MAGI3: variants seen among roughly 807,000 people sequenced by gnomAD.
MAGI3 encodes membrane-associated guanylate kinase, WW and PDZ domain-containing protein 3.
MAGI3 carries 43 observed loss-of-function variants against 121.8 expected under a neutral mutation model. That is an observed-to-expected ratio of 0.35 (90% CI 0.28 to 0.46). MAGI3 has a LOEUF of 0.46. Ranked by LOEUF, MAGI3 falls within the 20% of genes least tolerant of loss-of-function variation. The pLI, the probability that MAGI3 is intolerant of heterozygous loss-of-function variation, is 1.00. For synonymous variants in MAGI3, 553 were observed against 639.3 expected (o/e 0.86, Z 2.04); for missense variants, 1,547 against 1,797.3 (o/e 0.86, Z 2.52).
chr1:113,402,740 C>T (rs558246900), intron 1 of MAGI3, among the ~76,000 whole-genome samples: 16 of 152,142 alleles, frequency 1.1e-4, no homozygotes, highest in Non-Finnish European at 1.5e-4. Flanking sequence ...CAAGCTTGTT[C>T]GGCTGCAGTG....
In MAGI3 at chr1:113,544,688, A is replaced by T. The variant is rs541448788; in HGVS notation, c.317-4827A>T. ...AGGCCAAAATTTAAAAGGAACTAAG[A>T]TGCCTCAGAGTGCACAAAGAGCTTT... On this transcript the variant is annotated intron_variant, in intron 1 of 20. Transcript: ENST00000307546. 1.1e-4 allele frequency among the ~76,000 whole-genome samples: 17 copies of T among 152,336 alleles called. No homozygotes were observed. The South Asian group carries it at 3.5e-3, about 32-fold the overall frequency.
intron 2 of MAGI3, among the ~76,000 whole-genome samples, chr1:113,570,577 C>T (rs1647235726): frequency 1.3e-5 from 2 of 152,068 alleles, no homozygotes; most frequent in Non-Finnish European, 2.9e-5. Context: ...TTTTAATAAT[C>T]GCCATTCTAA....
chr1:113,410,556 C>A (rs759378237), intron 1 of MAGI3, among the ~76,000 whole-genome samples: 1 of 152,010 alleles, frequency 6.6e-6, no homozygotes, highest in East Asian at 1.9e-4. Flanking sequence ...AGAGCTCTTA[C>A]ATTTTTCATA....
At chr1:113,598,283 A>T (rs1308887449) in intron 6 of MAGI3, among the ~76,000 whole-genome samples, 2 of 151,820 alleles carry the variant, frequency 1.3e-5, no homozygotes, top group African/African-American at 4.8e-5. Flanking sequence ...AAGAAAACAA[A>T]GTACTAGGTA....
At chr1:113,535,128 AG>A (rs2101646906) in intron 1 of MAGI3, among the ~76,000 whole-genome samples, 1 of 152,302 alleles carries the variant, frequency 6.6e-6, no homozygotes, top group Non-Finnish European at 1.5e-5. Flanking sequence ...CTAGTTATGC[AG>A]CTCTGAAATT....
chr1:113,412,795 A>T (rs1321787632), intron 1 of MAGI3, among the ~76,000 whole-genome samples: 1 of 152,102 alleles, frequency 6.6e-6, no homozygotes, highest in African/African-American at 2.4e-5. Flanking sequence ...TCAGATGGGT[A>T]GATTGCAAAA....
intron 1 of MAGI3, among the ~76,000 whole-genome samples, chr1:113,427,634 G>C (rs543285229): frequency 5.3e-5 from 8 of 152,190 alleles, no homozygotes; most frequent in South Asian, 2.1e-4. Flanking sequence ...TCTTACTACC[G>C]TACCTTCCAA....
chr1:113,605,736 A>T (rs1649725073), intron 6 of MAGI3, among the ~76,000 whole-genome samples: 2 of 151,852 alleles, frequency 1.3e-5, no homozygotes, highest in Non-Finnish European at 2.9e-5. Flanking sequence ...AGTAGCTGGG[A>T]CTACTGGCAC....
chr1:113,618,017 G>A lies in MAGI3; in HGVS notation c.1077-1719G>A, dbSNP rs151271462. The stretch of plus-strand genomic sequence containing the variant: ...ATGTAGTAGTAGCCTGAGTGACATG[G>A]AGAAAGCTAACATTCCTTTTTTTGA... On this transcript the variant is annotated intron_variant, in intron 7 of 20. Transcript: ENST00000307546. Among the ~76,000 whole-genome samples, 37 of 152,218 alleles carry A rather than the reference G, an allele frequency of 2.4e-4. No individual in the cohort carries two copies. The East Asian group carries it at 6.8e-3, about 28-fold the overall frequency.
chr1:113,445,892 G>A (rs916943801), intron 1 of MAGI3, among the ~76,000 whole-genome samples: 2 of 152,158 alleles, frequency 1.3e-5, no homozygotes, highest in African/African-American at 2.4e-5. Context: ...TGCAAGAAGT[G>A]CTTAAGGGAG....
At chr1:113,503,055 CTG>C (rs1657097983) in intron 1 of MAGI3, among the ~76,000 whole-genome samples, 2 of 55,482 alleles carry the variant, frequency 3.6e-5, no homozygotes, top group East Asian at 8.3e-4. Flanking sequence ...ATATCACACT[CTG>C]GGGACTGTGG....
At chr1:113,420,623 T>TA (rs1652687971) in intron 1 of MAGI3, among the ~76,000 whole-genome samples, 1 of 152,202 alleles carries the variant, frequency 6.6e-6, no homozygotes, top group South Asian at 2.1e-4. Flanking sequence ...TATTTAATCT[T>TA]ACACTTTTCC....
chr1:113,616,457 G>T (rs866373966), intron 7 of MAGI3, among the ~76,000 whole-genome samples: 3 of 152,176 alleles, frequency 2.0e-5, no homozygotes, highest in Non-Finnish European at 2.9e-5. Flanking sequence ...TACTTGAATG[G>T]CTACTCTTTG....
chr1:113,489,512 C>A (rs533775535), intron 1 of MAGI3, among the ~76,000 whole-genome samples: 1 of 152,076 alleles, frequency 6.6e-6, no homozygotes, highest in African/African-American at 2.4e-5. Flanking sequence ...GTCACATCTC[C>A]GTTCCAGCAA....
chr1:113,643,426 C>A (rs1281484886), intron 10 of MAGI3, among the ~76,000 whole-genome samples: 1 of 152,124 alleles, frequency 6.6e-6, no homozygotes, highest in Non-Finnish European at 1.5e-5. Context: ...AGGGCTTCAA[C>A]AAGTATAACA....
At chr1:113,627,147 C>T (rs907877220) in intron 9 of MAGI3, among the ~76,000 whole-genome samples, 3 of 151,938 alleles carry the variant, frequency 2.0e-5, no homozygotes, top group African/African-American at 7.2e-5. Flanking sequence ...TTATTTGTTT[C>T]AAGAAATTTT....
intron 2 of MAGI3, among the ~76,000 whole-genome samples, chr1:113,550,593 T>C (rs1266027530): frequency 1.3e-5 from 2 of 149,940 alleles, no homozygotes; most frequent in Non-Finnish European, 3.0e-5. Context: ...CCATCTCTAC[T>C]AGAAATACAA....
At chr1:113,416,103 GAC>G (rs1212780319) in intron 1 of MAGI3, among the ~76,000 whole-genome samples, 3 of 103,800 alleles carry the variant, frequency 2.9e-5, no homozygotes, top group Admixed American at 1.1e-4. Context: ...TGTAATTAAT[GAC>G]ACATATTAAT....
At chr1:113,649,185 T>C in intron 12 of MAGI3, 52 bp from the exon 13 acceptor site, 7 of 1,415,568 alleles carry the variant, frequency 4.9e-6, no homozygotes, top group Non-Finnish European at 6.8e-6. Flanking sequence ...TTTGTTTTGT[T>C]TTAATCCTTT....
Sources: allele counts gnomAD v4.1 joint callset (sites outside exome capture counted in the v4.1 genomes callset), GRCh38; gene constraint gnomAD v4.1.1; transcripts MANE v1.5; gene names NCBI Gene and HGNC (gene_info 2026-07-23, HGNC 2026-07-21).